The following LHFPL6 variants were observed in gnomAD, a reference collection of about 807,000 sequenced individuals.
LHFPL6 encodes the protein LHFPL tetraspan subfamily member 6, also known as LHFPL tetraspan subfamily member 6 protein.
In LHFPL6, 9 loss-of-function variants were observed where a neutral mutation model predicts 20.6. That is an observed-to-expected ratio of 0.44 (90% CI 0.26 to 0.76). LHFPL6 has a LOEUF of 0.76. LHFPL6 is among the 30% of genes least tolerant of loss of function. The pLI, the probability that LHFPL6 is intolerant of heterozygous loss-of-function variation, is 0.20. For synonymous variants in LHFPL6, 105 were observed against 98.7 expected (o/e 1.06, Z -0.38); for missense variants, 218 against 253.5 (o/e 0.86, Z 0.95).
At chr13:39,484,636 A>G (rs1868655596) in intron 2 of LHFPL6, among the ~76,000 whole-genome samples, 1 of 152,192 alleles carries the variant, frequency 6.6e-6, no homozygotes, top group Admixed American at 6.5e-5. Context: ...ATCCCTCAGG[A>G]AGGACCAAGC....
At chr13:39,399,522 A>G (rs1428496998) in intron 2 of LHFPL6, among the ~76,000 whole-genome samples, 1 of 152,240 alleles carries the variant, frequency 6.6e-6, no homozygotes, top group African/African-American at 2.4e-5. Flanking sequence ...ATGTAGGTGT[A>G]TCTTAATTGG....
chr13:39,544,897 A>G (rs1435481989), intron 2 of LHFPL6, among the ~76,000 whole-genome samples: 1 of 152,052 alleles, frequency 6.6e-6, no homozygotes, highest in African/African-American at 2.4e-5. Flanking sequence ...TACTACAAAT[A>G]GGCAAACATC....
chr13:39,453,907 G>C (rs561502458), intron 2 of LHFPL6, among the ~76,000 whole-genome samples: 1 of 152,336 alleles, frequency 6.6e-6, no homozygotes, highest in African/African-American at 2.4e-5. Context: ...GGCCACCTGA[G>C]AGCAATGGGA....
intron 2 of LHFPL6, among the ~76,000 whole-genome samples, chr13:39,571,182 C>A (rs1871902219): frequency 6.6e-6 from 1 of 152,212 alleles, no homozygotes; most frequent in South Asian, 2.1e-4. Context: ...ACAGATAGGG[C>A]AGGTCCCTGG....
At chr13:39,407,595 A>T (rs2138384216) in intron 2 of LHFPL6, among the ~76,000 whole-genome samples, 1 of 152,332 alleles carries the variant, frequency 6.6e-6, no homozygotes, top group Admixed American at 6.5e-5. Flanking sequence ...GCTTTAGAAG[A>T]TATCTGCCTG....
At chr13:39,557,422 C>T (rs1301022207) in intron 2 of LHFPL6, among the ~76,000 whole-genome samples, 1 of 152,218 alleles carries the variant, frequency 6.6e-6, no homozygotes, top group Non-Finnish European at 1.5e-5. Context: ...GCCTGAGCGT[C>T]CAGACAGAGC....
At position 39,581,397 on chromosome 13, in the gene LHFPL6, G is replaced by T. The variant is rs1194472000; in HGVS notation, c.385+19435C>A. The stretch of plus-strand genomic sequence containing the variant: ...AAACCTACTGAGCACCAAGGGCACA[G>T]ACAGCCAAATTGAATTTTAAATGTT... On this transcript the variant is annotated intron_variant, in intron 2 of 3. Coordinates refer to ENST00000379589, the MANE Select transcript of LHFPL6 (RefSeq NM_005780.3). 2.6e-5 allele frequency among the ~76,000 whole-genome samples: 4 copies of T among 152,154 alleles called. No homozygotes were observed. In the South Asian group the frequency reaches 6.2e-4, roughly 24 times the overall value.
intron 2 of LHFPL6, among the ~76,000 whole-genome samples, chr13:39,560,374 T>A (rs529542278): frequency 3.1e-4 from 47 of 152,250 alleles, no homozygotes; most frequent in Admixed American, 2.6e-3. Context: ...GAAATCAATT[T>A]CTGTTCTGTT....
intron 2 of LHFPL6, among the ~76,000 whole-genome samples, chr13:39,454,424 T>G (rs1872520707): frequency 2.9e-5 from 1 of 34,570 alleles, no homozygotes; most frequent in Non-Finnish European, 4.8e-5. Flanking sequence ...GGTCAGGAGA[T>G]CGAGACCATC....
chr13:39,470,903 C>T (rs1186066421), intron 2 of LHFPL6, among the ~76,000 whole-genome samples: 1 of 152,194 alleles, frequency 6.6e-6, no homozygotes, highest in African/African-American at 2.4e-5. Context: ...ACCTCCTTCT[C>T]CCTCTCTCCA....
intron 2 of LHFPL6, among the ~76,000 whole-genome samples, chr13:39,500,491 G>A (rs1348298737): frequency 1.3e-5 from 2 of 152,044 alleles, no homozygotes; most frequent in Admixed American, 1.3e-4. Flanking sequence ...GGGCTCAAGC[G>A]ATCCTCCCAC....
intron 2 of LHFPL6, among the ~76,000 whole-genome samples, chr13:39,398,795 A>G (rs940719077): frequency 1.3e-5 from 2 of 152,202 alleles, no homozygotes; most frequent in Non-Finnish European, 2.9e-5. Context: ...AGATTCTCAT[A>G]GAAGCACAAA....
chr13:39,401,266 A>G (rs534039010), intron 2 of LHFPL6, among the ~76,000 whole-genome samples: 1 of 152,218 alleles, frequency 6.6e-6, no homozygotes, highest in Non-Finnish European at 1.5e-5. Flanking sequence ...CCTGTTACAT[A>G]ACAATGAAAG....
chr13:39,449,009 C>T (rs1872368980), intron 2 of LHFPL6, among the ~76,000 whole-genome samples: 1 of 152,168 alleles, frequency 6.6e-6, no homozygotes, highest in Non-Finnish European at 1.5e-5. Flanking sequence ...CTAAAACTGC[C>T]TCAACCATGT....
intron 2 of LHFPL6, among the ~76,000 whole-genome samples, chr13:39,465,877 C>T (rs142674342): frequency 1.5e-4 from 23 of 152,088 alleles, no homozygotes; most frequent in African/African-American, 4.6e-4. Context: ...CTAGCAATGA[C>T]CTAGCAAGGT....
intron 3 of LHFPL6, among the ~76,000 whole-genome samples, chr13:39,353,490 G>C (rs1482606054): frequency 6.6e-6 from 1 of 151,842 alleles, no homozygotes; most frequent in African/African-American, 2.4e-5. Flanking sequence ...ACTTTGGGAG[G>C]CTGAGGCGGG....
intron 2 of LHFPL6, among the ~76,000 whole-genome samples, chr13:39,385,725 A>C (rs1870547309): frequency 6.6e-6 from 1 of 152,212 alleles, no homozygotes; most frequent in Non-Finnish European, 1.5e-5. Context: ...AGTACTTAAC[A>C]CTTAGCCAGC....
chr13:39,532,817 G>C (rs962240842), intron 2 of LHFPL6, among the ~76,000 whole-genome samples: 2 of 152,060 alleles, frequency 1.3e-5, no homozygotes, highest in Admixed American at 1.3e-4. Context: ...AATTATATTG[G>C]ACCACATTGC....
chr13:39,558,805 A>G (rs1237344576), intron 2 of LHFPL6, among the ~76,000 whole-genome samples: 1 of 152,120 alleles, frequency 6.6e-6, no homozygotes, highest in Non-Finnish European at 1.5e-5. Flanking sequence ...GAAATCTATC[A>G]TTTTCTTAAA....
Sources: gnomAD v4.1 joint callset for allele counts (sites outside exome capture counted in the v4.1 genomes callset) on GRCh38, gnomAD v4.1.1 for gene constraint, MANE v1.5 for transcripts, NCBI Gene and HGNC (gene_info 2026-07-23, HGNC 2026-07-21) for gene names.